OXNAD1: variants seen among roughly 807,000 people sequenced by gnomAD.
OXNAD1 encodes oxidoreductase NAD-binding domain-containing protein 1.
A neutral mutation model predicts 32.9 loss-of-function variants in OXNAD1; 34 were observed. That is an observed-to-expected ratio of 1.03 (90% CI 0.79 to 1.38). The LOEUF (loss-of-function observed/expected upper bound fraction) is 1.38, where lower values mean the gene tolerates loss of function less well. OXNAD1 is among the 40% of genes most tolerant of loss of function. The pLI is 0.00. For synonymous variants in OXNAD1, 134 were observed against 135.2 expected, an observed-to-expected ratio of 0.99 and a Z score of 0.06; for missense variants, 407 against 379.4, an observed-to-expected ratio of 1.07 and a Z score of -0.60.
chr3:16,340,598 T>C (rs1326362494), downstream of OXNAD1, among the ~76,000 whole-genome samples: 1 of 152,258 alleles, frequency 6.6e-6, no homozygotes, highest in African/African-American at 2.4e-5. Context: ...TGATAGAGAC[T>C]GAAAAACAAA....
In OXNAD1 at chr3:16,287,328, T is replaced by C. The variant is rs1050005761; in HGVS notation, c.290+880T>C. Among the ~76,000 whole-genome samples the C allele has an allele frequency of 6.6e-6, 1 of 152,226 alleles. No homozygotes were observed. Among genetic ancestry groups the C allele is most frequent in the Non-Finnish European group, 1.5e-5 (1 of 68,032 alleles). ...TTGTTAGAAGGAGGATGTGTGATAA[T>C]AGCAAGTGTGATAATAGCAAGAGTT... On this transcript the variant is annotated intron_variant, in intron 5 of 8. Transcript: ENST00000285083. The surrounding 1 kb of genome is among the most constrained non-coding windows in gnomAD (Gnocchi z 4.8).
rs375715598 is a variant in OXNAD1 at position 16,277,578 on chromosome 3, T to G, written c.183+5856T>G. ...CTAAGGATACGATGCCATCTGGATT[T>G]TACAAAGAGGAAGCAGGGCCTAGGA... On this transcript the variant is annotated intron_variant, in intron 4 of 8. Coordinates refer to ENST00000285083, the MANE Select transcript of OXNAD1 (RefSeq NM_138381.5). The surrounding 1 kb of genome is among the most constrained non-coding windows in gnomAD (Gnocchi z 4.3). Among the ~76,000 whole-genome samples the G allele has an allele frequency of 3.3e-5, 5 of 152,204 alleles. No homozygotes were observed. Among genetic ancestry groups the G allele is most frequent in the East Asian group, 3.8e-4 (2 of 5,202 alleles).
intron 9 of OXNAD1, among the ~76,000 whole-genome samples, chr3:16,331,091 T>TC (rs2070260432): frequency 1.3e-5 from 2 of 152,240 alleles, no homozygotes; most frequent in Admixed American, 6.5e-5. Flanking sequence ...TGGGGTGTTC[T>TC]CCATACCTGA....
chr3:16,286,741 T>G (rs1258358513), intron 5 of OXNAD1, among the ~76,000 whole-genome samples: 1 of 152,252 alleles, frequency 6.6e-6, no homozygotes, highest in Non-Finnish European at 1.5e-5. Flanking sequence ...ACAGCTCTGA[T>G]AATTAGACTC....
rs1193355347 is a variant in OXNAD1 at position 16,316,124 on chromosome 3, G to A, written c.*30+12532G>A. Reference sequence around the variant, plus strand: ...ACAGAAGTAATGTGGTTTGTATGATGTGCTGAGTACAAAACCTTTAAAAAC... The same window carrying A: ...ACAGAAGTAATGTGGTTTGTATGATATGCTGAGTACAAAACCTTTAAAAAC... On this transcript the variant is annotated intron_variant, in intron 9 of 9. Coordinates refer to the OXNAD1 transcript ENST00000435829. This position sits in a 1 kb window ranked among gnomAD's most constrained non-coding sequence, Gnocchi z 4.5. 1.3e-5 allele frequency: 2 copies of A among 153,034 alleles called. No individual in the cohort carries two copies. The highest frequency in any genetic ancestry group is 2.4e-5 in the African/African-American group (1 of 41,472). 9.5% of individuals were successfully genotyped at this position (153,034 alleles called of 1,614,324 possible).
rs781090506 is a variant in OXNAD1, at chr3:16,317,003, G to A, written c.*30+13411G>A. 11 of 1,613,540 alleles carry A rather than the reference G, an allele frequency of 6.8e-6. No homozygotes were observed. In the East Asian group the frequency reaches 1.8e-4, roughly 26 times the overall value. On this transcript the variant is annotated intron_variant, in intron 9 of 9. Coordinates refer to the OXNAD1 transcript ENST00000435829. The surrounding 1 kb of genome is among the most constrained non-coding windows in gnomAD (Gnocchi z 4.3). ...CACCCCACACAGCAGGCCACCAGGG[G>A]ACAGCTGTTCTCCCTTGTCCTCTTG...
chr3:16,317,242 A>G lies in OXNAD1; in HGVS notation c.*30+13650A>G. On this transcript the variant is annotated intron_variant, in intron 9 of 9. Transcript: ENST00000435829. The surrounding 1 kb of genome is among the most constrained non-coding windows in gnomAD (Gnocchi z 4.3). ...AGAATCGCCACTGAAACTAGAAATCAGAAAGGATGGGGATAAATAACAAGC... is the reference window on the plus strand; with the variant it reads ...AGAATCGCCACTGAAACTAGAAATCGGAAAGGATGGGGATAAATAACAAGC... The G allele has an allele frequency of 6.2e-7, 1 of 1,610,888 alleles. No individual in the cohort carries two copies. Among genetic ancestry groups the G allele is most frequent in the Non-Finnish European group, 8.5e-7 (1 of 1,179,938 alleles).
rs999163488 is a variant in OXNAD1 at position 16,305,648 on chromosome 3, A to G, written c.*2086A>G. The G allele has an allele frequency of 7.9e-5, 12 of 152,376 alleles. No homozygotes were observed. Among genetic ancestry groups the G allele is most frequent in the African/African-American group, 2.6e-4 (11 of 41,578 alleles). The allele number at this position is 152,376 out of a possible 1,614,324, so 9.4% of individuals were successfully genotyped here. On this transcript the variant is annotated 3_prime_UTR_variant, in exon 9 of 9. Coordinates refer to ENST00000285083, the MANE Select transcript of OXNAD1 (RefSeq NM_138381.5). The surrounding 1 kb of genome is among the most constrained non-coding windows in gnomAD (Gnocchi z 4.5). ...AATTCATAGTGCGGTGGCTCAGAGT[A>G]TAGGCTCGAAAGCCCTTGAGCCAGA... is the stretch of plus-strand genomic sequence containing the variant.
chr3:16,326,717 G>C, intron 9 of OXNAD1: 1 of 1,334,088 alleles, frequency 7.5e-7, no homozygotes, highest in South Asian at 1.2e-5. Context: ...ATTAGGAACA[G>C]TGACTAGCAC....
At chr3:16,267,580 C>T (rs188452323) in intron 1 of OXNAD1, among the ~76,000 whole-genome samples, 29 of 152,280 alleles carry the variant, frequency 1.9e-4, no homozygotes, top group Admixed American at 6.5e-4. Context: ...ATTTGCTTGG[C>T]CGCCTTTTCC....
rs2071539727 is a variant in OXNAD1 at position 16,344,900 on chromosome 3, T to G, written c.*31-4276T>G. On this transcript the variant is annotated intron_variant, in intron 9 of 9. Transcript: ENST00000606098. The surrounding 1 kb of genome is among the most constrained non-coding windows in gnomAD (Gnocchi z 4.4). ...CCCCCAACCTTTTATGCTCACTGATTTAATATACTTCAGTTCTCTCTGGAG... is the reference window on the plus strand; with the variant it reads ...CCCCCAACCTTTTATGCTCACTGATGTAATATACTTCAGTTCTCTCTGGAG... 6.6e-6 allele frequency among the ~76,000 whole-genome samples: 1 copy of G among 152,236 alleles called. No homozygotes were observed. The highest frequency in any genetic ancestry group is 2.4e-5 in the African/African-American group (1 of 41,450).
rs775378073 is a variant in OXNAD1, at chr3:16,303,553, G to T, written c.930G>T (p.Lys310Asn). Residue 310 changes from lysine (K) to asparagine (N), a missense_variant, in exon 9 of 9, where the codon AAG becomes AAT. Transcript: ENST00000285083. The surrounding 1 kb of genome is among the most constrained non-coding windows in gnomAD (Gnocchi z 4.8). ...HVPKEHICFE[K>N]WW ...CCAAAGAACACATTTGCTTTGAGAA[G>T]TGGTGGTAGGAGGCAGACAAAGGCA... is the stretch of plus-strand genomic sequence containing the variant. 1 of 1,613,830 alleles carries T rather than the reference G, an allele frequency of 6.2e-7. No individual in the cohort carries two copies. Among genetic ancestry groups the T allele is most frequent in the Admixed American group, 1.7e-5 (1 of 60,016 alleles).
chr3:16,330,674 A>G (rs756998763), intron 9 of OXNAD1, among the ~76,000 whole-genome samples: 2 of 152,188 alleles, frequency 1.3e-5, no homozygotes, highest in African/African-American at 2.4e-5. Context: ...TGGTTTTTCA[A>G]CTCGTATAAA....
intron 4 of OXNAD1, among the ~76,000 whole-genome samples, chr3:16,281,627 T>G (rs2065745998): frequency 6.6e-6 from 1 of 152,226 alleles, no homozygotes; most frequent in South Asian, 2.1e-4. Context: ...AAATATGGCT[T>G]AATAGAAAGT....
chr3:16,323,439 G>T (rs774327152), intron 9 of OXNAD1: 7 of 1,612,458 alleles, frequency 4.3e-6, no homozygotes, highest in Non-Finnish European at 5.9e-6. Context: ...CAATCTGCTT[G>T]GTGGATACAC....
chr3:16,298,363 C>T lies in OXNAD1; in HGVS notation c.433-3263C>T, dbSNP rs577238868. 1.1e-4 allele frequency among the ~76,000 whole-genome samples: 16 copies of T among 152,242 alleles called. No homozygotes were observed. Among genetic ancestry groups the T allele is most frequent in the Admixed American group, 3.9e-4 (6 of 15,282 alleles). On this transcript the variant is annotated intron_variant, in intron 6 of 8. Transcript: ENST00000285083. This position sits in a 1 kb window ranked among gnomAD's most constrained non-coding sequence, Gnocchi z 5.1. ...TCCCTGTTATCCTTAGCTTCTCACG[C>T]GACCTGGCCTGGTCCTGGTCCACAG...
At chr3:16,267,457 C>T (rs1479746238) in intron 1 of OXNAD1, among the ~76,000 whole-genome samples, 1 of 152,166 alleles carries the variant, frequency 6.6e-6, no homozygotes, top group Non-Finnish European at 1.5e-5. Context: ...TCACTCTTAC[C>T]AGCTTACTGC....
chr3:16,341,165 G>A (rs565060657), downstream of OXNAD1, among the ~76,000 whole-genome samples: 1 of 152,326 alleles, frequency 6.6e-6, no homozygotes, highest in African/African-American at 2.4e-5. This position sits in a 1 kb window ranked among gnomAD's most constrained non-coding sequence, Gnocchi z 4.7. Flanking sequence ...CTTAATGCCG[G>A]TGAGGATGTG....
chr3:16,346,751 G>A lies in OXNAD1; in HGVS notation c.*31-2425G>A, dbSNP rs898372366. 2.0e-5 allele frequency among the ~76,000 whole-genome samples: 3 copies of A among 152,264 alleles called. No individual in the cohort carries two copies. Among genetic ancestry groups the A allele is most frequent in the South Asian group, 2.1e-4 (1 of 4,826 alleles). ...ACGTGTGGCAGGAAAAAACTGCCCCGTTCTTCACGGTTGTCATCACATTTG... is the reference window on the plus strand; with the variant it reads ...ACGTGTGGCAGGAAAAAACTGCCCCATTCTTCACGGTTGTCATCACATTTG... On this transcript the variant is annotated intron_variant, in intron 9 of 9. Transcript: ENST00000606098. The surrounding 1 kb of genome is among the most constrained non-coding windows in gnomAD (Gnocchi z 4.4).
Sources: gnomAD v4.1 joint callset for allele counts (sites outside exome capture counted in the v4.1 genomes callset) on GRCh38, gnomAD v4.1.1 for gene constraint, Gnocchi (gnomAD v3.1) non-coding constraint, MANE v1.5 for transcripts, NCBI Gene and HGNC (gene_info 2026-07-23, HGNC 2026-07-21) for gene names.